ADGRL3: variants seen among roughly 807,000 people sequenced by gnomAD.
The protein encoded by ADGRL3 is calcium-independent alpha-latrotoxin receptor 3.
In ADGRL3, 62 loss-of-function variants were observed where a neutral mutation model predicts 153.5. The ratio of observed to expected loss-of-function variants is 0.40; its 90% CI spans 0.33 to 0.50. ADGRL3 has a LOEUF of 0.50. ADGRL3 is among the 20% of genes least tolerant of loss of function. The probability of loss-of-function intolerance (pLI) is 0.47; values close to 1 mark genes in which losing one functional copy is unlikely to be tolerated. For synonymous variants in ADGRL3, 710 were observed against 672.5 expected, an observed-to-expected ratio of 1.06 and a Z score of -0.86; for missense variants, 1,641 against 1,859.4, an observed-to-expected ratio of 0.88 and a Z score of 2.16.
chr4:61,955,825 T>C (rs1030963534), intron 17 of ADGRL3, among the ~76,000 whole-genome samples: 5 of 152,148 alleles, frequency 3.3e-5, no homozygotes, highest in Non-Finnish European at 7.3e-5. Flanking sequence ...CTGAGGGTGA[T>C]GTATTCCAGC....
In ADGRL3 at chr4:62,073,276, A is replaced by C. The variant is rs755479425; in HGVS notation, c.*2368A>C. The C allele has an allele frequency of 2.0e-5, 3 of 152,154 alleles. No homozygotes were observed. The highest frequency in any genetic ancestry group is 6.5e-5 in the Admixed American group (1 of 15,268). 9.4% of individuals were successfully genotyped at this position (152,154 alleles called of 1,614,324 possible). ...CCTTCACATCACCTCAAAATATTTT[A>C]TGTCTCATTCTTTTTTAGTGAATTG... On this transcript the variant is annotated 3_prime_UTR_variant, in exon 27 of 27. Transcript: ENST00000683033.
At chr4:61,762,815 A>G (rs1204434848) in intron 8 of ADGRL3, among the ~76,000 whole-genome samples, 1 of 152,140 alleles carries the variant, frequency 6.6e-6, no homozygotes, top group Non-Finnish European at 1.5e-5. Context: ...CAAGAAAACT[A>G]TCATTCTGGT....
intron 2 of ADGRL3, among the ~76,000 whole-genome samples, chr4:61,455,597 G>A (rs1407474110): frequency 2.0e-5 from 3 of 151,888 alleles, no homozygotes; most frequent in South Asian, 2.1e-4. Flanking sequence ...AGTATAATAT[G>A]TAGTATTATT....
chr4:61,502,719 A>G (rs374982871), intron 3 of ADGRL3, among the ~76,000 whole-genome samples: 2 of 152,150 alleles, frequency 1.3e-5, no homozygotes, highest in African/African-American at 4.8e-5. Flanking sequence ...GATAATAGTC[A>G]TATATTTTGT....
chr4:61,768,809 G>A (rs911364911), intron 8 of ADGRL3, among the ~76,000 whole-genome samples: 1 of 151,858 alleles, frequency 6.6e-6, no homozygotes, highest in Admixed American at 6.6e-5. Context: ...AGGGGTGGGG[G>A]TTTCTTCCCC....
intron 17 of ADGRL3, among the ~76,000 whole-genome samples, chr4:61,976,447 A>T (rs2099048370): frequency 6.6e-6 from 1 of 152,170 alleles, no homozygotes; most frequent in African/African-American, 2.4e-5. Flanking sequence ...CTGTGTCCTA[A>T]TCCAAGTATC....
rs79576742 is a variant in ADGRL3, at chr4:61,568,610, A to C, written c.260-18617A>C. Among the ~76,000 whole-genome samples, 756 of 152,276 alleles carry C rather than the reference A, an allele frequency of 5.0e-3. 10 individuals carry two copies. Among genetic ancestry groups the C allele is most frequent in the African/African-American group, 0.016 (681 of 41,570 alleles). On this transcript the variant is annotated intron_variant, in intron 4 of 26. Coordinates refer to ENST00000683033, the MANE Select transcript of ADGRL3 (RefSeq NM_001387552.1). ...GTGAAGTCAGGATTCCTTAACAAAG[A>C]ATTTCTTCATAGTCTATGTTAGTCC...
intron 25 of ADGRL3, among the ~76,000 whole-genome samples, chr4:62,055,686 T>C (rs924577071): frequency 2.0e-5 from 3 of 151,788 alleles, no homozygotes; most frequent in African/African-American, 7.2e-5. Flanking sequence ...TTTTAATAAG[T>C]GACTTGGTAT....
At chr4:61,407,418 A>C (rs1007129536) in intron 2 of ADGRL3, among the ~76,000 whole-genome samples, 1 of 152,134 alleles carries the variant, frequency 6.6e-6, no homozygotes, top group Non-Finnish European at 1.5e-5. Flanking sequence ...AGTATAATAC[A>C]ATAAATAGTC....
chr4:61,533,601 T>G (rs192943309), intron 4 of ADGRL3, among the ~76,000 whole-genome samples: 38 of 152,312 alleles, frequency 2.5e-4, no homozygotes, highest in African/African-American at 8.7e-4. Flanking sequence ...TTCTCTGACC[T>G]TAGCCTCTGT....
At chr4:61,502,221 G>A (rs1380568028) in intron 3 of ADGRL3, among the ~76,000 whole-genome samples, 1 of 152,108 alleles carries the variant, frequency 6.6e-6, no homozygotes, top group Non-Finnish European at 1.5e-5. Flanking sequence ...ACCTTGGGCT[G>A]GGAGATCTGT....
intron 4 of ADGRL3, among the ~76,000 whole-genome samples, chr4:61,557,062 T>C (rs369183403): frequency 1.3e-5 from 2 of 152,186 alleles, no homozygotes; most frequent in African/African-American, 2.4e-5. Flanking sequence ...ATAAAGCCAG[T>C]AGTTTCAACA....
intron 25 of ADGRL3, among the ~76,000 whole-genome samples, chr4:62,049,571 A>C (rs1733023508): frequency 6.6e-6 from 1 of 152,126 alleles, no homozygotes; most frequent in African/African-American, 2.4e-5. Context: ...AAATATATGT[A>C]ATTGGTAAAA....
chr4:61,580,774 G>A (rs2098921425), intron 4 of ADGRL3, among the ~76,000 whole-genome samples: 1 of 151,988 alleles, frequency 6.6e-6, no homozygotes, highest in African/African-American at 2.4e-5. Flanking sequence ...CCATGGGACT[G>A]CTTGAGTGCT....
rs1744330409 is a variant in ADGRL3, at chr4:62,068,739, A to G, written c.3832+556A>G. On this transcript the variant is annotated intron_variant, in intron 26 of 26. Transcript: ENST00000683033. ...CATTGTGGATTTGTCTACAAGATAT[A>G]AAATGAAAATAAATCGCTTCACCCT... 2.6e-5 allele frequency among the ~76,000 whole-genome samples: 4 copies of G among 152,306 alleles called. No homozygotes were observed. The South Asian group carries it at 6.2e-4, about 24-fold the overall frequency.
intron 13 of ADGRL3, among the ~76,000 whole-genome samples, chr4:61,928,628 A>T (rs1006488143): frequency 6.6e-6 from 1 of 152,196 alleles, no homozygotes; most frequent in African/African-American, 2.4e-5. Flanking sequence ...ACTTTTTATA[A>T]GATAAATATG....
At chr4:61,460,614 G>A (rs970837577) in intron 2 of ADGRL3, among the ~76,000 whole-genome samples, 5 of 152,040 alleles carry the variant, frequency 3.3e-5, no homozygotes, top group Non-Finnish European at 5.9e-5. Flanking sequence ...AGACATACCC[G>A]AGACTGGGTA....
chr4:61,959,206 T>G (rs2098978890), intron 17 of ADGRL3, among the ~76,000 whole-genome samples: 1 of 152,160 alleles, frequency 6.6e-6, no homozygotes, highest in African/African-American at 2.4e-5. Context: ...ATATTTTAAT[T>G]TACAGCAGCA....
chr4:61,304,169 A>G (rs116527586), intron 1 of ADGRL3, among the ~76,000 whole-genome samples: 150 of 152,344 alleles, frequency 9.8e-4, no homozygotes, highest in African/African-American at 3.3e-3. Flanking sequence ...TTTTCTGCTG[A>G]TTCATAGAGG....
Sources: gnomAD v4.1 joint callset for allele counts (sites outside exome capture counted in the v4.1 genomes callset) on GRCh38, gnomAD v4.1.1 for gene constraint, MANE v1.5 for transcripts, NCBI Gene and HGNC (gene_info 2026-07-23, HGNC 2026-07-21) for gene names.